The following CARMIL1 variants were observed in gnomAD, a reference collection of about 807,000 sequenced individuals.
The protein encoded by CARMIL1 is capping protein regulator and myosin 1 linker 1.
CARMIL1 carries 90 observed loss-of-function variants against 177.1 expected under a neutral mutation model. The ratio of observed to expected loss-of-function variants is 0.51; its 90% CI spans 0.43 to 0.61. The LOEUF (loss-of-function observed/expected upper bound fraction) is 0.61. CARMIL1 is among the 20% of genes least tolerant of loss of function. The pLI, the probability that CARMIL1 is intolerant of heterozygous loss-of-function variation, is 0.00. For synonymous variants in CARMIL1, 577 were observed against 606.2 expected (o/e 0.95, Z 0.71); for missense variants, 1,380 against 1,667.0 (o/e 0.83, Z 3.00).
intron 29 of CARMIL1, among the ~76,000 whole-genome samples, chr6:25,559,720 TAA>T (rs1463868678): frequency 6.6e-6 from 1 of 152,222 alleles, no homozygotes; most frequent in Non-Finnish European, 1.5e-5. Context: ...TTCACAGATT[TAA>T]GTTTGTTCAC....
At chr6:25,375,172 C>A (rs1254104354) in intron 2 of CARMIL1, among the ~76,000 whole-genome samples, 3 of 152,276 alleles carry the variant, frequency 2.0e-5, no homozygotes, top group Non-Finnish European at 4.4e-5. Flanking sequence ...TTTAGTATTT[C>A]TTGTAGGGTT....
intron 16 of CARMIL1, among the ~76,000 whole-genome samples, chr6:25,498,369 AT>A (rs1803955518): frequency 1.3e-5 from 2 of 151,896 alleles, no homozygotes; most frequent in African/African-American, 4.8e-5. Context: ...TTGCTATAGA[AT>A]TTTTCCCCAG....
chr6:25,395,935 A>G (rs967339695), intron 2 of CARMIL1, among the ~76,000 whole-genome samples: 3 of 152,206 alleles, frequency 2.0e-5, no homozygotes, highest in East Asian at 3.9e-4. Context: ...TGTGACTTCC[A>G]TATGTCACAG....
chr6:25,281,866 G>A (rs994942629), intron 1 of CARMIL1, among the ~76,000 whole-genome samples: 10 of 152,094 alleles, frequency 6.6e-5, no homozygotes, highest in Admixed American at 3.9e-4. Flanking sequence ...TGTAATCCTA[G>A]CACTTTGGGA....
intron 2 of CARMIL1, among the ~76,000 whole-genome samples, chr6:25,404,557 G>A (rs1794186421): frequency 6.6e-6 from 1 of 152,060 alleles, no homozygotes; most frequent in Non-Finnish European, 1.5e-5. Context: ...GGGAGTTTGA[G>A]ACCAGCCTGG....
rs527671486 is a variant in CARMIL1 at position 25,462,374 on chromosome 6, A to G, written c.615-3499A>G. Among the ~76,000 whole-genome samples the G allele has an allele frequency of 3.9e-5, 6 of 152,170 alleles. 1 individual carries two copies. Among genetic ancestry groups the G allele is most frequent in the South Asian group, 4.2e-4 (2 of 4,808 alleles). ...CTTGATTAGCACCCCTTTTATATGCACACATAGTATTTTGTATTCCCCCTA... is the reference window on the plus strand; with the variant it reads ...CTTGATTAGCACCCCTTTTATATGCGCACATAGTATTTTGTATTCCCCCTA... On this transcript the variant is annotated intron_variant, in intron 8 of 36. Coordinates refer to ENST00000329474, the MANE Select transcript of CARMIL1 (RefSeq NM_017640.6).
intron 23 of CARMIL1, among the ~76,000 whole-genome samples, chr6:25,523,833 A>G (rs1224489417): frequency 6.6e-6 from 1 of 152,212 alleles, no homozygotes; most frequent in Admixed American, 6.5e-5. Context: ...AGCTGAAGCT[A>G]GTAGGATAAT....
intron 8 of CARMIL1, among the ~76,000 whole-genome samples, chr6:25,464,922 G>C (rs1800457492): frequency 6.6e-6 from 1 of 152,102 alleles, no homozygotes; most frequent in Non-Finnish European, 1.5e-5. Flanking sequence ...AGCATGGGAT[G>C]AGTTGTGGGA....
chr6:25,499,065 A>G (rs1026163198), intron 16 of CARMIL1, among the ~76,000 whole-genome samples: 1 of 152,264 alleles, frequency 6.6e-6, no homozygotes, highest in Admixed American at 6.5e-5. Context: ...GTTCCATGCC[A>G]CTGCTGGAGT....
chr6:25,608,857 C>T (rs1816242877), intron 35 of CARMIL1, among the ~76,000 whole-genome samples: 1 of 152,178 alleles, frequency 6.6e-6, no homozygotes, highest in African/African-American at 2.4e-5. Context: ...TTAAGAACCA[C>T]CTTGCTGATA....
At chr6:25,469,620 C>T (rs759612021) in intron 9 of CARMIL1, among the ~76,000 whole-genome samples, 4 of 151,976 alleles carry the variant, frequency 2.6e-5, no homozygotes, top group Non-Finnish European at 5.9e-5. Context: ...TGCAGTGGTG[C>T]GATGACGGTT....
At chr6:25,536,186 A>G (rs1250171006) in intron 24 of CARMIL1, among the ~76,000 whole-genome samples, 1 of 152,170 alleles carries the variant, frequency 6.6e-6, no homozygotes, top group Non-Finnish European at 1.5e-5. Context: ...TTAGGCATTC[A>G]TTCTTGGTAA....
At chr6:25,510,097 C>A (rs1805325121) in intron 18 of CARMIL1, among the ~76,000 whole-genome samples, 1 of 152,162 alleles carries the variant, frequency 6.6e-6, no homozygotes, top group Admixed American at 6.5e-5. Flanking sequence ...AGCTTCATTT[C>A]TGCTGATTGT....
intron 2 of CARMIL1, among the ~76,000 whole-genome samples, chr6:25,330,485 G>T (rs1457270201): frequency 2.0e-5 from 3 of 152,184 alleles, no homozygotes; most frequent in Non-Finnish European, 4.4e-5. Flanking sequence ...CAGTGTGGCA[G>T]AACTGGAGGC....
At chr6:25,296,931 A>G (rs868685587) in intron 2 of CARMIL1, among the ~76,000 whole-genome samples, 2 of 39,770 alleles carry the variant, frequency 5.0e-5, no homozygotes, top group East Asian at 1.5e-3. Flanking sequence ...CTATCTATCT[A>G]TCTTTAACTA....
At chr6:25,546,669 C>CAAAAAAAAA (rs58285338) in intron 26 of CARMIL1, among the ~76,000 whole-genome samples, 86 of 115,312 alleles carry the variant, frequency 7.5e-4, no homozygotes, top group Non-Finnish European at 8.0e-4. Flanking sequence ...ACAACAACAA[C>CAAAAAAAAA]AAAAAAAAAA....
At chr6:25,579,259 G>GAAA (rs5875052) in intron 29 of CARMIL1, among the ~76,000 whole-genome samples, 2 of 143,932 alleles carry the variant, frequency 1.4e-5, no homozygotes, top group Non-Finnish European at 1.5e-5. Flanking sequence ...CAAGAGTCAG[G>GAAA]AAAAAAAAAA....
intron 32 of CARMIL1, among the ~76,000 whole-genome samples, chr6:25,598,053 TA>T (rs780664272): frequency 4.6e-4 from 70 of 152,154 alleles, no homozygotes; most frequent in Non-Finnish European, 9.1e-4. Context: ...CCCAGTGTAC[TA>T]AAATTTTATG....
intron 17 of CARMIL1, chr6:25,507,537 T>C (rs1292669572): frequency 6.6e-6 from 1 of 152,632 alleles, no homozygotes; most frequent in African/African-American, 2.4e-5. Context: ...CATTTGATTG[T>C]TTTTTAAGCA....
Sources: allele counts gnomAD v4.1 joint callset (sites outside exome capture counted in the v4.1 genomes callset), GRCh38; gene constraint gnomAD v4.1.1; transcripts MANE v1.5; gene names NCBI Gene and HGNC (gene_info 2026-07-23, HGNC 2026-07-21).